The following DAAM1 variants were observed in gnomAD, a reference collection of about 807,000 sequenced individuals.
DAAM1 encodes disheveled-associated activator of morphogenesis 1.
A neutral mutation model predicts 130.0 loss-of-function variants in DAAM1; 52 were observed. The observed-to-expected ratio is 0.40, with a 90% confidence interval of 0.32 to 0.50. The LOEUF (loss-of-function observed/expected upper bound fraction) is 0.50, where lower values mean the gene tolerates loss of function less well. Ranked by LOEUF, DAAM1 falls within the 20% of genes least tolerant of loss-of-function variation. The pLI, the probability that DAAM1 is intolerant of heterozygous loss-of-function variation, is 0.61. For missense variants in DAAM1, 1,134 were observed against 1,303.8 expected, an observed-to-expected ratio of 0.87 and a Z score of 2.01; for synonymous variants, 452 against 444.5, an observed-to-expected ratio of 1.02 and a Z score of -0.21.
intron 1 of DAAM1, among the ~76,000 whole-genome samples, chr14:59,234,872 GAGGC>G (rs1301686337): frequency 1.3e-5 from 2 of 152,160 alleles, no homozygotes; most frequent in African/African-American, 4.8e-5. Context: ...AATTTTATCA[GAGGC>G]CTTTTCTGCA....
chr14:59,326,588 A>G lies in DAAM1; in HGVS notation c.1253A>G (p.Lys418Arg). The change falls in exon 11 of 25, where the codon AAA becomes AGA. Residue 418 changes from lysine (K) to arginine (R), a missense_variant. By Grantham distance (26) the Lys-to-Arg change is conservative. Transcript: ENST00000360909. ...IIQQIVIQND[K>R]GQDPDSTPLE... is the part of the protein sequence containing the mutation. Reference sequence around the variant, plus strand: ...CAGCAGATAGTTATCCAGAATGACAAAGGACAGGACCCTGACTCCACACCT... The same window carrying G: ...CAGCAGATAGTTATCCAGAATGACAGAGGACAGGACCCTGACTCCACACCT... 2 of 1,614,042 alleles carry G rather than the reference A, an allele frequency of 1.2e-6. No homozygotes were observed. The highest frequency in any genetic ancestry group is 1.7e-6 in the Non-Finnish European group (2 of 1,179,962).
chr14:59,232,491 C>A (rs1313937677), intron 1 of DAAM1, among the ~76,000 whole-genome samples: 1 of 152,120 alleles, frequency 6.6e-6, no homozygotes, highest in Admixed American at 6.6e-5. Context: ...GGTGGCTGTT[C>A]ACCAACATGT....
At chr14:59,338,346 A>G (rs750003013) in intron 15 of DAAM1, 1 of 1,611,656 alleles carries the variant, frequency 6.2e-7, no homozygotes, top group Non-Finnish European at 8.5e-7. Context: ...AACTGCATAT[A>G]TCTGATTTGC....
At chr14:59,292,279 C>T (rs970658106) in intron 3 of DAAM1, among the ~76,000 whole-genome samples, 1 of 152,164 alleles carries the variant, frequency 6.6e-6, no homozygotes, top group African/African-American at 2.4e-5. Flanking sequence ...ACAAACTATA[C>T]AATAATCCAA....
chr14:59,355,392 T>A, intron 20 of DAAM1, 59 bp downstream of exon 20: 2 of 1,597,044 alleles, frequency 1.3e-6, no homozygotes, highest in South Asian at 2.2e-5. Context: ...AGGCTCAGAT[T>A]TATGCCTCTC....
At chr14:59,364,613 C>T (rs998875948) in intron 23 of DAAM1, among the ~76,000 whole-genome samples, 1 of 152,190 alleles carries the variant, frequency 6.6e-6, no homozygotes, top group African/African-American at 2.4e-5. Flanking sequence ...ACCCATCTCT[C>T]AGTTGCCACA....
chr14:59,208,781 A>G (rs1037329909), intron 1 of DAAM1, among the ~76,000 whole-genome samples: 3 of 152,124 alleles, frequency 2.0e-5, no homozygotes, highest in Admixed American at 1.3e-4. Flanking sequence ...TAGATCCCTC[A>G]TGAATGGCTC....
chr14:59,191,469 G>C (rs1887727828), intron 1 of DAAM1, among the ~76,000 whole-genome samples: 1 of 152,132 alleles, frequency 6.6e-6, no homozygotes, highest in African/African-American at 2.4e-5. Context: ...GCAGAACTAT[G>C]ATTGGAGATC....
intron 1 of DAAM1, among the ~76,000 whole-genome samples, chr14:59,208,737 T>G (rs1304920171): frequency 6.6e-6 from 1 of 152,292 alleles, no homozygotes; most frequent in South Asian, 2.1e-4. Context: ...ATGTTAGATG[T>G]GGGGTCTGGT....
chr14:59,302,397 G>A (rs1479578104), intron 3 of DAAM1, among the ~76,000 whole-genome samples: 6 of 152,200 alleles, frequency 3.9e-5, no homozygotes, highest in Non-Finnish European at 8.8e-5. Flanking sequence ...GGAGTCATGG[G>A]GAGCATGAAG....
At chr14:59,274,207 A>C (rs1479580478) in intron 2 of DAAM1, among the ~76,000 whole-genome samples, 3 of 152,176 alleles carry the variant, frequency 2.0e-5, no homozygotes, top group African/African-American at 7.2e-5. Flanking sequence ...GGCAAGATCC[A>C]AAAGCAGCTA....
rs10141583 is a variant in DAAM1 at position 59,216,227 on chromosome 14, A to G, written c.-38+27459A>G. Among the ~76,000 whole-genome samples the G allele has an allele frequency of 1.6e-3, 242 of 152,230 alleles. 1 individual carries two copies. The highest frequency in any genetic ancestry group is 6.8e-3 in the Middle Eastern group (2 of 292). On this transcript the variant is annotated intron_variant, in intron 1 of 24. Coordinates refer to ENST00000360909, the MANE Select transcript of DAAM1 (RefSeq NM_001270520.2). Reference sequence around the variant, plus strand: ...GACCCTGCATTCTGACCTCCTCTCCATTAATGCTGCCTGTCTCAGGCACAG... The same window carrying G: ...GACCCTGCATTCTGACCTCCTCTCCGTTAATGCTGCCTGTCTCAGGCACAG...
At chr14:59,330,330 C>T (rs1371317491) in intron 12 of DAAM1, among the ~76,000 whole-genome samples, 171 bp from the exon 13 acceptor site, 1 of 152,124 alleles carries the variant, frequency 6.6e-6, no homozygotes, top group East Asian at 1.9e-4. Flanking sequence ...ACTCCAAGCA[C>T]AAACATCATT....
Position 59,363,901 on chromosome 14 carries a change from G to C in DAAM1, c.2826+119G>C, listed in dbSNP as rs1204033775. The C allele has an allele frequency of 4.3e-6, 6 of 1,389,570 alleles. No homozygotes were observed. In the East Asian group the frequency reaches 7.0e-5, roughly 16 times the overall value. The allele number at this position is 1,389,570 out of a possible 1,614,324, so 86.1% of individuals were successfully genotyped here. ...GTGAGATCCAAACTTCGTGGTGCAG[G>C]AAATAAAGTAGTAGATAATTACTTT... On this transcript the variant is annotated intron_variant, in intron 23 of 24. Transcript: ENST00000360909.
At chr14:59,271,935 C>T (rs141612970) in intron 2 of DAAM1, among the ~76,000 whole-genome samples, 6 of 151,746 alleles carry the variant, frequency 4.0e-5, no homozygotes, top group African/African-American at 7.3e-5. Context: ...GAAAAAATTG[C>T]GTAATAGGAA....
intron 3 of DAAM1, among the ~76,000 whole-genome samples, chr14:59,299,483 A>G (rs749169700): frequency 6.6e-5 from 10 of 152,190 alleles, no homozygotes; most frequent in Admixed American, 6.5e-4. Context: ...AATGGTGACT[A>G]TGCTTGTAAT....
intron 23 of DAAM1, among the ~76,000 whole-genome samples, chr14:59,366,431 C>T (rs1231229064): frequency 2.6e-5 from 4 of 152,098 alleles, no homozygotes; most frequent in Non-Finnish European, 5.9e-5. Context: ...CACTGGCTCC[C>T]ATTTGCTTTC....
intron 17 of DAAM1, among the ~76,000 whole-genome samples, chr14:59,351,393 T>C (rs911895785): frequency 6.6e-6 from 1 of 152,156 alleles, no homozygotes; most frequent in African/African-American, 2.4e-5. Context: ...TTAAGGTATG[T>C]CCCAGTGCCC....
intron 2 of DAAM1, among the ~76,000 whole-genome samples, chr14:59,280,867 G>C (rs185837430): frequency 6.6e-6 from 1 of 152,034 alleles, no homozygotes; most frequent in African/African-American, 2.4e-5. Context: ...GTGATCAGAG[G>C]TAATAGTTTT....
Sources: gnomAD v4.1 joint callset for allele counts (sites outside exome capture counted in the v4.1 genomes callset) on GRCh38, gnomAD v4.1.1 for gene constraint, MANE v1.5 for transcripts, NCBI Gene and HGNC (gene_info 2026-07-23, HGNC 2026-07-21) for gene names.